Variants in ODF2 observed in about 807,000 individuals in gnomAD.
ODF2 encodes the protein outer dense fiber protein 2.
Under a neutral mutation model 110.2 loss-of-function variants are expected in ODF2, and 47 were observed. The observed-to-expected ratio is 0.43, with a 90% CI of 0.34 to 0.54. ODF2 has a LOEUF of 0.54. ODF2 is among the 20% of genes least tolerant of loss of function. The pLI, the probability that ODF2 is intolerant of heterozygous loss-of-function variation, is 0.03. For synonymous variants in ODF2, 352 were observed against 397.7 expected, an observed-to-expected ratio of 0.89 and a Z score of 1.37; for missense variants, 812 against 1,054.5, an observed-to-expected ratio of 0.77 and a Z score of 3.19.
At chr9:128,495,514 T>C (rs73628743) in intron 17 of ODF2, among the ~76,000 whole-genome samples, 3,735 of 152,320 alleles carry the variant, frequency 0.025, 158 homozygotes, top group African/African-American at 0.085. Flanking sequence ...AACCTGAGCA[T>C]TCTCAGGGAC....
In ODF2 at chr9:128,494,083, T is replaced by G. The variant is rs1845161445; in HGVS notation, c.1753-427T>G. On this transcript the variant is annotated intron_variant, in intron 16 of 20. Transcript: ENST00000604420. This position sits in a 1 kb window ranked among gnomAD's most constrained non-coding sequence, Gnocchi z 4.6. Reference sequence around the variant, plus strand: ...GTGCTAGATTACAGGTGTGAGCCACTGCACCTGGCTTGGAGTTAGACTAGA... The same window carrying G: ...GTGCTAGATTACAGGTGTGAGCCACGGCACCTGGCTTGGAGTTAGACTAGA... Among the ~76,000 whole-genome samples the G allele has an allele frequency of 6.6e-6, 1 of 152,186 alleles. No homozygotes were observed. Among genetic ancestry groups the G allele is most frequent in the Non-Finnish European group, 1.5e-5 (1 of 68,030 alleles).
Position 128,484,880 on chromosome 9 carries a change from T to TG in ODF2, c.1285dup (p.Asp429GlyfsTer8). On this transcript the variant is annotated frameshift_variant, in exon 12 of 21. Transcript: ENST00000604420. LOFTEE classifies it high-confidence loss of function. ...CTGAGCAGCTACACGTGCAACTCGC[T>TG]GACAAGGTCGCAGGCCCGCGGTGCC... 1 of 1,613,366 alleles carries TG rather than the reference T, an allele frequency of 6.2e-7. No homozygotes were observed. The highest frequency in any genetic ancestry group is 8.5e-7 in the Non-Finnish European group (1 of 1,179,818).
chr9:128,455,877 T>A (rs1834652035), upstream of ODF2: 6 of 1,139,020 alleles, frequency 5.3e-6, no homozygotes, highest in Admixed American at 2.0e-4. Flanking sequence ...TCCGGGAGGA[T>A]CCAAGGCAGG....
At chr9:128,466,980 T>TA (rs398046919) in intron 4 of ODF2, among the ~76,000 whole-genome samples, 2 of 19,790 alleles carry the variant, frequency 1.0e-4, no homozygotes, top group Non-Finnish European at 1.7e-4. Flanking sequence ...CCATCTCAAT[T>TA]AAAAAAAAAA....
At chr9:128,489,593 G>A (rs150331925) in intron 14 of ODF2, among the ~76,000 whole-genome samples, 1 of 152,174 alleles carries the variant, frequency 6.6e-6, no homozygotes, top group Non-Finnish European at 1.5e-5. Context: ...GCGCTCTAGG[G>A]TATGTCGTTA....
At chr9:128,490,248 T>C (rs751150336) in intron 14 of ODF2, among the ~76,000 whole-genome samples, 5 of 152,186 alleles carry the variant, frequency 3.3e-5, no homozygotes, top group Non-Finnish European at 5.9e-5. Flanking sequence ...AGTGTGGTCA[T>C]TCAAAATGAT....
At chr9:128,498,563 T>A in exon 19 of ODF2, 1 of 1,582,212 alleles carries the variant, frequency 6.3e-7, no homozygotes, top group Non-Finnish European at 8.6e-7. Flanking sequence ...CCATTGAAGA[T>A]GCGAGGAGGC....
exon 21 of ODF2, chr9:128,500,171 A>G (rs1329805687): frequency 5.0e-6 from 8 of 1,614,202 alleles, no homozygotes; most frequent in East Asian, 2.2e-5. Context: ...TCCTCAAATC[A>G]TCATACGCCA....
At chr9:128,490,163 C>G (rs1381429284) in intron 14 of ODF2, among the ~76,000 whole-genome samples, 1 of 152,086 alleles carries the variant, frequency 6.6e-6, no homozygotes, top group Non-Finnish European at 1.5e-5. Flanking sequence ...GACCCCATCT[C>G]TACAAAAAAA....
chr9:128,468,254 C>G (rs1202647824), intron 4 of ODF2, among the ~76,000 whole-genome samples: 9 of 152,106 alleles, frequency 5.9e-5, no homozygotes, highest in Admixed American at 5.2e-4. Context: ...ATTTAAAAGA[C>G]TTTTGACATA....
intron 5 of ODF2, among the ~76,000 whole-genome samples, chr9:128,470,547 C>A (rs1588812601): frequency 6.6e-6 from 1 of 151,658 alleles, no homozygotes; most frequent in African/African-American, 2.4e-5. Context: ...CACTTGAACC[C>A]AGGAGGCAGA....
At chr9:128,468,540 T>G (rs575174537) in intron 4 of ODF2, among the ~76,000 whole-genome samples, 1 of 152,188 alleles carries the variant, frequency 6.6e-6, no homozygotes, top group South Asian at 2.1e-4. Flanking sequence ...ATTTTTTTTT[T>G]TAGAAGGAGT....
rs748317843 is a variant in ODF2 at position 128,461,073 on chromosome 9, C to T, written c.249+6C>T. On this transcript the variant is annotated splice_donor_region_variant and intron_variant, in intron 4 of 20. Transcript: ENST00000604420. The stretch of plus-strand genomic sequence containing the variant: ...CTGTGGGATGCAAGTGGGAGGTAGG[C>T]TCACCCTTGCCCAGGCTTTTCTTCT... 5 of 1,613,540 alleles carry T rather than the reference C, an allele frequency of 3.1e-6. No homozygotes were observed. The African/African-American group carries it at 5.3e-5, about 17-fold the overall frequency.
At chr9:128,467,000 AAAAAAAAAAAAAAAATAT>A (rs1838174855) in intron 4 of ODF2, among the ~76,000 whole-genome samples, 1 of 66,476 alleles carries the variant, frequency 1.5e-5, no homozygotes, top group African/African-American at 7.0e-5. Flanking sequence ...AAAAAAAAAA[AAAAAAAAAAAAAAAATAT>A]ATATATATAT....
intron 8 of ODF2, among the ~76,000 whole-genome samples, chr9:128,478,801 G>T (rs1251940989): frequency 6.6e-6 from 1 of 152,082 alleles, no homozygotes; most frequent in African/African-American, 2.4e-5. Context: ...TCACCATCTC[G>T]GTGCTTGCTG....
intron 18 of ODF2, among the ~76,000 whole-genome samples, chr9:128,497,319 G>A (rs973531169): frequency 3.4e-5 from 5 of 148,474 alleles, no homozygotes; most frequent in Admixed American, 2.0e-4. Context: ...CGGGCGTGGT[G>A]TCTCACGCCT....
chr9:128,489,941 T>C lies in ODF2; in HGVS notation c.1536+1916T>C, dbSNP rs1844200851. 1.3e-5 allele frequency among the ~76,000 whole-genome samples: 2 copies of C among 152,206 alleles called. 1 individual carries two copies. Among genetic ancestry groups the C allele is most frequent in the Admixed American group, 1.3e-4 (2 of 15,272 alleles). Reference sequence around the variant, plus strand: ...TGCCTCCTTGGCAACGCTTGGTAGCTTGGTATTGAGTGTCTTATTTTATGT... The same window carrying C: ...TGCCTCCTTGGCAACGCTTGGTAGCCTGGTATTGAGTGTCTTATTTTATGT... On this transcript the variant is annotated intron_variant, in intron 14 of 20. Transcript: ENST00000604420.
chr9:128,471,761 C>T (rs955318738), intron 6 of ODF2, among the ~76,000 whole-genome samples: 2 of 152,080 alleles, frequency 1.3e-5, no homozygotes, highest in Middle Eastern at 3.2e-3. Context: ...GTTAAGCATT[C>T]GGCAGGTGGG....
chr9:128,499,348 C>T lies in ODF2; in HGVS notation c.2301+222C>T, dbSNP rs192524140. On this transcript the variant is annotated intron_variant, in intron 20 of 20. Transcript: ENST00000604420. ...TCACCCAGGCTGGAATGCAGTGGTA[C>T]GATCTCAGCTCACTGCAACCTCTGC... is the stretch of plus-strand genomic sequence containing the variant. Among the ~76,000 whole-genome samples, 24 of 152,268 alleles carry T rather than the reference C, an allele frequency of 1.6e-4. No homozygotes were observed. The East Asian group carries it at 3.5e-3, about 22-fold the overall frequency.
Sources: allele counts gnomAD v4.1 joint callset (sites outside exome capture counted in the v4.1 genomes callset), GRCh38; gene constraint gnomAD v4.1.1; non-coding constraint Gnocchi (gnomAD v3.1); transcripts MANE v1.5; gene names NCBI Gene and HGNC (gene_info 2026-07-23, HGNC 2026-07-21).